Variants in RABGAP1L observed in about 807,000 individuals in gnomAD.
RABGAP1L encodes the protein RAB GTPase activating protein 1 like.
In RABGAP1L, 63 loss-of-function variants were observed where a neutral mutation model predicts 137.7. The ratio of observed to expected loss-of-function variants is 0.46; its 90% confidence interval spans 0.37 to 0.56. The LOEUF (loss-of-function observed/expected upper bound fraction) is 0.56, where lower values mean the gene tolerates loss of function less well. Ranked by LOEUF, RABGAP1L falls within the 20% of genes least tolerant of loss-of-function variation. The pLI is 0.00. For synonymous variants in RABGAP1L, 431 were observed against 433.7 expected, an observed-to-expected ratio of 0.99 and a Z score of 0.08; for missense variants, 1,095 against 1,244.0, an observed-to-expected ratio of 0.88 and a Z score of 1.80.
chr1:174,334,547 C>T (rs528738667), intron 11 of RABGAP1L, among the ~76,000 whole-genome samples: 9 of 152,284 alleles, frequency 5.9e-5, no homozygotes, highest in Non-Finnish European at 7.4e-5. Context: ...TAATGTTCTA[C>T]CACTCTCAGC....
chr1:174,725,946 G>A (rs578064255), intron 17 of RABGAP1L, among the ~76,000 whole-genome samples: 85 of 152,110 alleles, frequency 5.6e-4, no homozygotes, highest in African/African-American at 1.9e-3. Flanking sequence ...CCTGCACATT[G>A]TGCGCATGTA....
At chr1:174,500,090 T>C (rs1340463932) in intron 13 of RABGAP1L, among the ~76,000 whole-genome samples, 1 of 151,722 alleles carries the variant, frequency 6.6e-6, no homozygotes, top group Non-Finnish European at 1.5e-5. Context: ...CTTTTTTTTT[T>C]TTTTTTGAGA....
chr1:174,312,028 A>G (rs1678906812), intron 11 of RABGAP1L, among the ~76,000 whole-genome samples: 1 of 152,206 alleles, frequency 6.6e-6, no homozygotes, highest in African/African-American at 2.4e-5. Flanking sequence ...AATCTTAGTG[A>G]TTGTAAACAG....
At chr1:174,651,845 A>C (rs1675528451) in intron 14 of RABGAP1L, among the ~76,000 whole-genome samples, 1 of 152,210 alleles carries the variant, frequency 6.6e-6, no homozygotes, top group Admixed American at 6.5e-5. Flanking sequence ...ATTTAAAGTT[A>C]ATATTGTTAT....
chr1:174,883,595 G>A (rs1370128019), intron 19 of RABGAP1L, among the ~76,000 whole-genome samples: 3 of 152,152 alleles, frequency 2.0e-5, no homozygotes, highest in Non-Finnish European at 4.4e-5. Flanking sequence ...GGAAGGCAAT[G>A]TAGAACCAAT....
intron 1 of RABGAP1L, among the ~76,000 whole-genome samples, chr1:174,217,004 A>G (rs1290557474): frequency 6.6e-6 from 1 of 152,178 alleles, no homozygotes; most frequent in Non-Finnish European, 1.5e-5. Flanking sequence ...AGGCTTTTAC[A>G]GTAGATAAGA....
intron 13 of RABGAP1L, among the ~76,000 whole-genome samples, chr1:174,496,154 T>C (rs1201564684): frequency 2.0e-5 from 3 of 152,162 alleles, no homozygotes. Flanking sequence ...ATTAACAAAA[T>C]TTGAAAATCT....
intron 21 of RABGAP1L, among the ~76,000 whole-genome samples, chr1:174,975,422 T>C (rs565163645): frequency 1.8e-4 from 27 of 152,308 alleles, no homozygotes; most frequent in Admixed American, 1.4e-3. Flanking sequence ...TCTAGAAATA[T>C]GATCTTTTCT....
chr1:174,877,401 T>G, intron 19 of RABGAP1L: 3 of 1,575,480 alleles, frequency 1.9e-6, no homozygotes, highest in Non-Finnish European at 2.6e-6. Context: ...GGTGGGTGTG[T>G]ACACTGGCAC....
intron 10 of RABGAP1L, among the ~76,000 whole-genome samples, chr1:174,289,983 A>C (rs1273265635): frequency 6.6e-6 from 1 of 152,126 alleles, no homozygotes; most frequent in Non-Finnish European, 1.5e-5. Flanking sequence ...TGTTTGATGT[A>C]GTCATTGGCT....
At chr1:174,498,557 T>C (rs901084225) in intron 13 of RABGAP1L, among the ~76,000 whole-genome samples, 1 of 151,986 alleles carries the variant, frequency 6.6e-6, no homozygotes, top group East Asian at 1.9e-4. Flanking sequence ...TGCAGTGGTA[T>C]GCGATCTCGG....
At chr1:174,971,408 A>G (rs1256462345) in intron 21 of RABGAP1L, among the ~76,000 whole-genome samples, 1 of 152,126 alleles carries the variant, frequency 6.6e-6, no homozygotes, top group Non-Finnish European at 1.5e-5. Context: ...TTGATTATTG[A>G]GTACCAGGGT....
chr1:174,795,076 C>T (rs1688145634), intron 18 of RABGAP1L, among the ~76,000 whole-genome samples: 2 of 152,116 alleles, frequency 1.3e-5, no homozygotes, highest in African/African-American at 4.8e-5. Context: ...CACCTGCTTC[C>T]AGTACTCCAG....
intron 13 of RABGAP1L, among the ~76,000 whole-genome samples, chr1:174,403,298 A>G (rs1174694131): frequency 1.3e-5 from 2 of 149,020 alleles, no homozygotes; most frequent in Non-Finnish European, 3.0e-5. Flanking sequence ...TTTTTTTAAG[A>G]GACAGGGTCT....
intron 19 of RABGAP1L, chr1:174,874,442 GACCATC>G: frequency 1.0e-6 from 1 of 984,880 alleles, no homozygotes. Flanking sequence ...TTGAACTGAG[GACCATC>G]TATTTGGTTA....
intron 19 of RABGAP1L, among the ~76,000 whole-genome samples, chr1:174,822,174 T>G (rs1389263488): frequency 6.6e-6 from 1 of 152,190 alleles, no homozygotes; most frequent in Non-Finnish European, 1.5e-5. Context: ...GGCAGGAGAA[T>G]CACTTGAACC....
At chr1:174,613,512 G>A (rs139021606) in intron 13 of RABGAP1L, among the ~76,000 whole-genome samples, 3,435 of 152,236 alleles carry the variant, frequency 0.023, 60 homozygotes, top group Middle Eastern at 0.085. Context: ...GTGGTTTGGT[G>A]CTGAAAAGAA....
intron 12 of RABGAP1L, among the ~76,000 whole-genome samples, chr1:174,385,216 G>T (rs1686657687): frequency 6.6e-6 from 1 of 152,164 alleles, no homozygotes; most frequent in Admixed American, 6.5e-5. Flanking sequence ...TCGGATTCTG[G>T]ATATATTTTA....
intron 2 of RABGAP1L, 83 bp from the exon 3 acceptor site, chr1:174,220,889 C>A: frequency 8.3e-7 from 1 of 1,200,058 alleles, no homozygotes; most frequent in East Asian, 2.6e-5. Context: ...GTTTTAATTT[C>A]TTCTAGAAAT....
Sources: allele counts gnomAD v4.1 joint callset (sites outside exome capture counted in the v4.1 genomes callset), GRCh38; gene constraint gnomAD v4.1.1; transcripts MANE v1.5; gene names NCBI Gene and HGNC (gene_info 2026-07-23, HGNC 2026-07-21).